DNAI1: variants seen among roughly 807,000 people sequenced by gnomAD.
DNAI1 encodes the protein dynein, axonemal, intermediate polypeptide 1.
Under a neutral mutation model 92.0 loss-of-function variants are expected in DNAI1, and 67 were observed. That is an observed-to-expected ratio of 0.73 (90% CI 0.60 to 0.89). DNAI1 has a LOEUF of 0.89. Ranked by LOEUF, DNAI1 falls within the 40% of genes least tolerant of loss-of-function variation. DNAI1 has a pLI of 0.00. For synonymous variants in DNAI1, 323 were observed against 319.6 expected (o/e 1.01, Z -0.11); for missense variants, 839 against 866.6 (o/e 0.97, Z 0.40).
At chr9:34,485,118 G>T (rs748163437) in intron 2 of DNAI1, 24 bp from the exon 3 acceptor site, 1 of 1,612,774 alleles carries the variant, frequency 6.2e-7, no homozygotes, top group Non-Finnish European at 8.5e-7. Context: ...ACACTCCCAA[G>T]CCTCATGTGA....
intron 2 of DNAI1, among the ~76,000 whole-genome samples, chr9:34,484,075 C>T (rs565448334): frequency 1.3e-5 from 2 of 152,128 alleles, no homozygotes; most frequent in East Asian, 3.9e-4. Context: ...ATTTGCTAGG[C>T]ATGGTGGTGC....
rs1428427982 is a variant in DNAI1 at position 34,490,137 on chromosome 9, A to G, written c.501+13A>G. 1 of 1,613,760 alleles carries G rather than the reference A, an allele frequency of 6.2e-7. No individual in the cohort carries two copies. The highest frequency in any genetic ancestry group is 8.5e-7 in the Non-Finnish European group (1 of 1,179,846). On this transcript the variant is annotated intron_variant, in intron 6 of 19. Transcript: ENST00000242317. ...GCCTGCAGCTGGGGTACAGTATAAT[A>G]TCGCTCTGTGTCCCTCTTCTTCCAG...
intron 1 of DNAI1, among the ~76,000 whole-genome samples, chr9:34,482,111 C>A (rs1279461560): frequency 6.6e-6 from 1 of 152,234 alleles, no homozygotes; most frequent in Non-Finnish European, 1.5e-5. Flanking sequence ...TTCTCCAAGT[C>A]CCCACCAGAG....
rs1003534418 is a variant in DNAI1 at position 34,504,956 on chromosome 9, A to G, written c.1064-1671A>G. Among the ~76,000 whole-genome samples, 9 of 152,270 alleles carry G rather than the reference A, an allele frequency of 5.9e-5. No individual in the cohort carries two copies. The South Asian group carries it at 1.7e-3, about 28-fold the overall frequency. On this transcript the variant is annotated intron_variant, in intron 12 of 19. Transcript: ENST00000242317. ...GGGCGGAGGAGCATTGCATCCATCC[A>G]GCTGACTTCTAGAGGGACGGCTTCC...
chr9:34,493,534 T>C (rs768264387), intron 9 of DNAI1, among the ~76,000 whole-genome samples: 5 of 152,042 alleles, frequency 3.3e-5, no homozygotes, highest in African/African-American at 4.8e-5. Context: ...CCCAGTAAGA[T>C]AGATCTGGAG....
intron 16 of DNAI1, 107 bp from the exon 17 acceptor site, chr9:34,514,287 A>C (rs1438514421): frequency 6.9e-6 from 10 of 1,444,898 alleles, no homozygotes; most frequent in African/African-American, 1.4e-5. Context: ...CTGGGATGCG[A>C]TGTGGGTTAA....
intron 1 of DNAI1, among the ~76,000 whole-genome samples, chr9:34,467,165 G>A (rs1484816570): frequency 6.6e-6 from 1 of 152,126 alleles, no homozygotes; most frequent in Non-Finnish European, 1.5e-5. Flanking sequence ...GTGCGGGAAG[G>A]GGCCTCAGGG....
At chr9:34,500,980 A>G (rs1824821037) in intron 11 of DNAI1, 141 bp downstream of exon 11, 1 of 972,698 alleles carries the variant, frequency 1.0e-6, no homozygotes, top group African/African-American at 1.6e-5. Flanking sequence ...TTCTTATGGG[A>G]TCACAAGACC....
chr9:34,491,290 T>A (rs1824585069), intron 7 of DNAI1: 1 of 635,652 alleles, frequency 1.6e-6, no homozygotes, highest in African/African-American at 1.8e-5. Context: ...AGCTTATACT[T>A]CTTCTGAAGG....
At chr9:34,506,508 C>T in intron 12 of DNAI1, 119 bp from the exon 13 acceptor site, 11 of 1,362,496 alleles carry the variant, frequency 8.1e-6, no homozygotes, top group Non-Finnish European at 8.2e-6. Flanking sequence ...AGGAATCCCA[C>T]ACTCTGACAG....
chr9:34,493,648 G>A (rs1039866965), intron 9 of DNAI1, among the ~76,000 whole-genome samples: 1 of 152,102 alleles, frequency 6.6e-6, no homozygotes, highest in Non-Finnish European at 1.5e-5. Flanking sequence ...GTGCTCAGGT[G>A]GGGGTGGGAT....
Position 34,517,449 on chromosome 9 carries a change from T to C in DNAI1, c.1983T>C (p.Asn661=). ...GHIISLKLSP[N]LRKMPKEKKG... is the part of the protein sequence containing the mutation. ...TCATCAGCCTCAAGCTCTCACCCAA[T>C]TTGCGCAAGATGCCAAAGGTACAGG... The change falls in exon 19 of 20, where the codon AAT becomes AAC. Residue 661 remains asparagine, a synonymous_variant. Transcript: ENST00000242317. 1.2e-6 allele frequency: 2 copies of C among 1,614,100 alleles called. No homozygotes were observed. The highest frequency in any genetic ancestry group is 4.5e-5 in the East Asian group (2 of 44,880).
At chr9:34,490,657 G>C (rs944970929) in intron 7 of DNAI1, among the ~76,000 whole-genome samples, 169 bp downstream of exon 7, 4 of 152,204 alleles carry the variant, frequency 2.6e-5, no homozygotes, top group Non-Finnish European at 4.4e-5. Flanking sequence ...TCAGGTCTCT[G>C]TAAGCTATCC....
chr9:34,491,157 T>C (rs543262927), intron 7 of DNAI1, among the ~76,000 whole-genome samples: 4 of 152,220 alleles, frequency 2.6e-5, no homozygotes, highest in Non-Finnish European at 5.9e-5. Context: ...GGTGTTAGTC[T>C]GATGGCCTGA....
At chr9:34,482,009 C>T (rs577583580) in intron 1 of DNAI1, among the ~76,000 whole-genome samples, 12 of 152,284 alleles carry the variant, frequency 7.9e-5, no homozygotes, top group South Asian at 4.1e-4. Context: ...TTTGTCAGGG[C>T]GCTGATTGGT....
chr9:34,462,765 A>G (rs904534849), intron 1 of DNAI1, among the ~76,000 whole-genome samples: 18 of 152,224 alleles, frequency 1.2e-4, no homozygotes, highest in Non-Finnish European at 2.6e-4. Context: ...AACCACAAGT[A>G]TCCATGCCTT....
rs751010917 is a variant in DNAI1 at position 34,513,173 on chromosome 9, G to A, written c.1551G>A (p.Glu517=). Residue 517 remains glutamate, a synonymous_variant, in exon 16 of 20, where the codon GAG becomes GAA. Coordinates refer to ENST00000242317, the MANE Select transcript of DNAI1 (RefSeq NM_012144.4). ...ACTACATGTTCCTAGTGGGCACAGA[G>A]GAGGGAAAAATCTACAAGGTGAGGC... ...EIDYMFLVGT[E]EGKIYKCSKS... is the part of the protein sequence containing the mutation. 5.0e-6 allele frequency: 8 copies of A among 1,614,156 alleles called. No homozygotes were observed. The highest frequency in any genetic ancestry group is 1.6e-4 in the Middle Eastern group (1 of 6,062).
chr9:34,490,131 TATA>T lies in DNAI1; in HGVS notation c.501+11_501+13del, dbSNP rs1054696064. ...AGATGTGCCTGCAGCTGGGGTACAG[TATA>T]ATATCGCTCTGTGTCCCTCTTCTTC... On this transcript the variant is annotated splice_region_variant and intron_variant, in intron 6 of 19. Transcript: ENST00000242317. The T allele has an allele frequency of 3.1e-6, 5 of 1,613,526 alleles. No homozygotes were observed. The highest frequency in any genetic ancestry group is 4.2e-6 in the Non-Finnish European group (5 of 1,179,856).
At chr9:34,517,239 A>AGGTAATGAGGAACT in intron 18 of DNAI1, 46 bp from the exon 19 acceptor site, 1 of 1,600,156 alleles carries the variant, frequency 6.2e-7, no homozygotes. Context: ...GAGGTGGAAG[A>AGGTAATGAGGAACT]CAGGCCTCAT....
Sources: allele counts gnomAD v4.1 joint callset (sites outside exome capture counted in the v4.1 genomes callset), GRCh38; gene constraint gnomAD v4.1.1; transcripts MANE v1.5; gene names NCBI Gene and HGNC (gene_info 2026-07-23, HGNC 2026-07-21).